The following ZMAT4 variants were observed in gnomAD, a reference collection of about 807,000 sequenced individuals.
ZMAT4 encodes zinc finger matrin-type 4, also known as zinc finger matrin-type protein 4.
In ZMAT4, 17 loss-of-function variants were observed where a neutral mutation model predicts 28.7. That is an observed-to-expected ratio of 0.59 (90% CI 0.41 to 0.89). ZMAT4 has a LOEUF of 0.89. ZMAT4 is among the 40% of genes least tolerant of loss of function. The pLI is 0.00. For missense variants in ZMAT4, 240 were observed against 283.8 expected, an observed-to-expected ratio of 0.85 and a Z score of 1.11; for synonymous variants, 117 against 109.2, an observed-to-expected ratio of 1.07 and a Z score of -0.44.
At position 40,718,995 on chromosome 8, in the gene ZMAT4, C is replaced by T. The variant is rs10103290; in HGVS notation, c.193-21594G>A. ...ATGAGAGGAAACTAAATGATCAAGT[C>T]CAATTCTTGGAGGCAACTTCAAAAT... On this transcript the variant is annotated intron_variant, in intron 3 of 6. Coordinates refer to ENST00000297737, the MANE Select transcript of ZMAT4 (RefSeq NM_024645.3). Among the ~76,000 whole-genome samples, 717 of 152,250 alleles carry T rather than the reference C, an allele frequency of 4.7e-3. 3 individuals are homozygous for T. The highest frequency in any genetic ancestry group is 0.016 in the African/African-American group (683 of 41,522).
intron 1 of ZMAT4, among the ~76,000 whole-genome samples, chr8:40,842,291 A>C (rs1463932280): frequency 6.6e-6 from 1 of 152,214 alleles, no homozygotes; most frequent in African/African-American, 2.4e-5. Flanking sequence ...GAACTTGCAG[A>C]AACAGGGCAG....
intron 3 of ZMAT4, among the ~76,000 whole-genome samples, chr8:40,762,750 G>T (rs751883243): frequency 6.6e-6 from 1 of 152,178 alleles, no homozygotes; most frequent in Non-Finnish European, 1.5e-5. Context: ...TATGAGATAG[G>T]CAAGGAAGAG....
intron 5 of ZMAT4, among the ~76,000 whole-genome samples, chr8:40,647,219 C>T (rs998584113): frequency 2.6e-5 from 4 of 152,168 alleles, no homozygotes; most frequent in African/African-American, 9.6e-5. Flanking sequence ...TGGGTGCGCC[C>T]ACCGTGCGTG....
At chr8:40,820,524 GC>G (rs1216958290) in intron 2 of ZMAT4, among the ~76,000 whole-genome samples, 1 of 150,712 alleles carries the variant, frequency 6.6e-6, no homozygotes, top group Non-Finnish European at 1.5e-5. Flanking sequence ...GTGTGTATAT[GC>G]ATGTGTTTAT....
chr8:40,595,433 CT>C (rs1403904619), intron 5 of ZMAT4, among the ~76,000 whole-genome samples: 2 of 152,058 alleles, frequency 1.3e-5, no homozygotes, highest in African/African-American at 4.8e-5. Context: ...GGGATATGTT[CT>C]GAGAAATGCA....
At chr8:40,656,654 T>C (rs768178589) in intron 5 of ZMAT4, among the ~76,000 whole-genome samples, 3 of 152,082 alleles carry the variant, frequency 2.0e-5, no homozygotes, top group African/African-American at 7.2e-5. Context: ...TTAAACACAT[T>C]ATGCTAAATA....
chr8:40,696,209 G>A (rs555262008), intron 4 of ZMAT4, among the ~76,000 whole-genome samples: 1 of 152,240 alleles, frequency 6.6e-6, no homozygotes, highest in East Asian at 1.9e-4. Flanking sequence ...ATGTTGTTTA[G>A]TTAAACTAAA....
At chr8:40,562,348 T>C (rs1803774571) in intron 6 of ZMAT4, among the ~76,000 whole-genome samples, 2 of 152,150 alleles carry the variant, frequency 1.3e-5, no homozygotes, top group Non-Finnish European at 2.9e-5. Context: ...TTATCAGTGG[T>C]TCCTCAGAGT....
At chr8:40,651,733 G>A (rs1436639494) in intron 5 of ZMAT4, among the ~76,000 whole-genome samples, 2 of 151,482 alleles carry the variant, frequency 1.3e-5, no homozygotes. Flanking sequence ...CCAAAACAGA[G>A]ATATAGATCA....
intron 2 of ZMAT4, among the ~76,000 whole-genome samples, chr8:40,771,152 CT>C (rs1000238802): frequency 2.0e-5 from 3 of 151,534 alleles, no homozygotes; most frequent in Admixed American, 6.6e-5. Flanking sequence ...GGGGAAGAAA[CT>C]TTATATATAT....
chr8:40,648,234 C>A (rs4038697), intron 5 of ZMAT4, among the ~76,000 whole-genome samples: 9,142 of 151,980 alleles, frequency 0.06, 679 homozygotes, highest in East Asian at 0.43. Context: ...CTTAAAGGAG[C>A]TGATGGAGCT....
chr8:40,675,299 C>T (rs755154520), intron 4 of ZMAT4, among the ~76,000 whole-genome samples: 4 of 152,084 alleles, frequency 2.6e-5, no homozygotes, highest in Admixed American at 6.6e-5. Context: ...TTTGAAAACA[C>T]GGTTATTGAA....
rs1815694061 is a variant in ZMAT4, at chr8:40,820,101, G to A, written c.102+5474C>T. On this transcript the variant is annotated intron_variant, in intron 2 of 6. Coordinates refer to ENST00000297737, the MANE Select transcript of ZMAT4 (RefSeq NM_024645.3). The stretch of plus-strand genomic sequence containing the variant: ...ATACACCATTTCACTTAAAATCATA[G>A]TTTACAAAAACCCATGCATAACATT... 2.6e-5 allele frequency among the ~76,000 whole-genome samples: 4 copies of A among 151,188 alleles called. No homozygotes were observed. In the South Asian group the frequency reaches 8.4e-4, roughly 32 times the overall value.
At chr8:40,725,181 CCTGCTAAGTCAT>C (rs57378506) in intron 3 of ZMAT4, among the ~76,000 whole-genome samples, 3,837 of 152,156 alleles carry the variant, frequency 0.025, 162 homozygotes, top group African/African-American at 0.087. Flanking sequence ...TGTGTTTATT[CCTGCTAAGTCAT>C]CTGGCATCAA....
intron 2 of ZMAT4, 64 bp downstream of exon 2, chr8:40,825,511 T>C: frequency 7.1e-7 from 1 of 1,410,096 alleles, no homozygotes. Flanking sequence ...CCTGGAGTCC[T>C]ACAACAATGA....
At chr8:40,643,127 C>T (rs935219910) in intron 5 of ZMAT4, among the ~76,000 whole-genome samples, 20 of 152,290 alleles carry the variant, frequency 1.3e-4, no homozygotes, top group Admixed American at 1.2e-3. Context: ...TTCTCCATGG[C>T]TGCCTTCCCA....
chr8:40,649,300 A>G (rs1355054323), intron 5 of ZMAT4, among the ~76,000 whole-genome samples: 1 of 152,126 alleles, frequency 6.6e-6, no homozygotes, highest in Non-Finnish European at 1.5e-5. Flanking sequence ...ACAGACTTTA[A>G]ACCAACAAAG....
At position 40,882,162 on chromosome 8, in the gene ZMAT4, C is replaced by A. The variant is rs1818303566; in HGVS notation, c.-5+15521G>T. On this transcript the variant is annotated intron_variant, in intron 1 of 6. Coordinates refer to ENST00000297737, the MANE Select transcript of ZMAT4 (RefSeq NM_024645.3). The stretch of plus-strand genomic sequence containing the variant: ...CCGCCTCGGAGCTCATTCTGCAACT[C>A]ACAGCTGATCGTTCACTTGATTCAG... 2.6e-5 allele frequency among the ~76,000 whole-genome samples: 4 copies of A among 152,280 alleles called. No individual in the cohort carries two copies. In the South Asian group the frequency reaches 8.3e-4, roughly 32 times the overall value.
chr8:40,623,281 G>A (rs1228491584), intron 5 of ZMAT4, among the ~76,000 whole-genome samples: 1 of 152,196 alleles, frequency 6.6e-6, no homozygotes, highest in Admixed American at 6.5e-5. Flanking sequence ...CTAGGATGAT[G>A]TGGTGTAGAA....
Sources: allele counts gnomAD v4.1 joint callset (sites outside exome capture counted in the v4.1 genomes callset), GRCh38; gene constraint gnomAD v4.1.1; transcripts MANE v1.5; gene names NCBI Gene and HGNC (gene_info 2026-07-23, HGNC 2026-07-21).